Variants in PPIL6 observed in about 807,000 individuals in gnomAD.
PPIL6 encodes probable inactive peptidyl-prolyl cis-trans isomerase-like 6.
In PPIL6, 39 loss-of-function variants were observed where a neutral mutation model predicts 36.8. That is an observed-to-expected ratio of 1.06 (90% CI 0.82 to 1.38). The LOEUF is 1.38. PPIL6 is among the 40% of genes most tolerant of loss of function. The probability of loss-of-function intolerance (pLI) is 0.00; values close to 1 mark genes in which losing one functional copy is unlikely to be tolerated. For missense variants in PPIL6, 368 were observed against 379.1 expected (o/e 0.97, Z 0.24); for synonymous variants, 123 against 134.1 (o/e 0.92, Z 0.57).
chr6:109,434,970 G>A (rs1338297821), intron 2 of PPIL6, among the ~76,000 whole-genome samples: 1 of 152,180 alleles, frequency 6.6e-6, no homozygotes, highest in African/African-American at 2.4e-5. Context: ...TTCTCTGAGG[G>A]TATAGATAGA....
intron 7 of PPIL6, among the ~76,000 whole-genome samples, chr6:109,397,927 C>T (rs879712678): frequency 3.0e-4 from 46 of 151,220 alleles, no homozygotes; most frequent in Non-Finnish European, 5.3e-4. Context: ...GTGTCTCACC[C>T]TGTCGTCAGA....
At chr6:109,415,681 G>C (rs756610992) in intron 6 of PPIL6, among the ~76,000 whole-genome samples, 3 of 152,120 alleles carry the variant, frequency 2.0e-5, no homozygotes, top group Non-Finnish European at 4.4e-5. Context: ...AACGACAATA[G>C]CATCTTGAAT....
chr6:109,400,254 T>G, intron 6 of PPIL6, 84 bp from the exon 7 acceptor site: 2 of 1,043,086 alleles, frequency 1.9e-6, no homozygotes, highest in Non-Finnish European at 2.7e-6. Context: ...AATAGAACCC[T>G]TGGTAACACT....
chr6:109,434,810 C>T (rs1774356158), intron 2 of PPIL6, among the ~76,000 whole-genome samples: 1 of 152,108 alleles, frequency 6.6e-6, no homozygotes, highest in Admixed American at 6.6e-5. Context: ...AGCATCCCAC[C>T]CTCCCCAACA....
chr6:109,441,124 G>A (rs762460465), upstream of PPIL6: 5 of 1,614,174 alleles, frequency 3.1e-6, no homozygotes, highest in South Asian at 5.5e-5. Flanking sequence ...CCCCAACCAT[G>A]AAGCCCAACT....
intron 6 of PPIL6, chr6:109,403,201 T>C: frequency 1.2e-6 from 1 of 835,904 alleles, no homozygotes. Context: ...CTTGAACTCC[T>C]GGGCTCAAGG....
chr6:109,422,525 G>C (rs1021071594), intron 5 of PPIL6, among the ~76,000 whole-genome samples: 27 of 152,108 alleles, frequency 1.8e-4, no homozygotes, highest in African/African-American at 6.5e-4. Context: ...AGGAGGTTGA[G>C]GCTGCAGCGA....
chr6:109,410,646 C>A (rs973161391), intron 6 of PPIL6, among the ~76,000 whole-genome samples: 47 of 152,160 alleles, frequency 3.1e-4, no homozygotes, highest in African/African-American at 1.1e-3. Flanking sequence ...CTCTAGCGCA[C>A]TAATGATTCT....
chr6:109,433,081 G>A (rs1437823672), intron 2 of PPIL6, among the ~76,000 whole-genome samples: 5 of 147,210 alleles, frequency 3.4e-5, no homozygotes, highest in South Asian at 2.1e-4. Flanking sequence ...TTTTGAGACC[G>A]AGTCTTGCTC....
chr6:109,399,987 AT>A, intron 7 of PPIL6, 47 bp downstream of exon 7: 1 of 1,478,556 alleles, frequency 6.8e-7, no homozygotes, highest in South Asian at 1.3e-5. Context: ...TTTAAATGAC[AT>A]TTTTACAGGT....
chr6:109,397,903 T>TAA (rs1449379830), intron 7 of PPIL6, among the ~76,000 whole-genome samples: 10 of 152,078 alleles, frequency 6.6e-5, no homozygotes, highest in Non-Finnish European at 1.0e-4. Context: ...AACTTTTTTT[T>TAA]TTTTTTTTAA....
At chr6:109,438,158 CA>C (rs1774558279) in intron 1 of PPIL6, among the ~76,000 whole-genome samples, 1 of 151,998 alleles carries the variant, frequency 6.6e-6, no homozygotes, top group Non-Finnish European at 1.5e-5. Flanking sequence ...TCCATCATCT[CA>C]AACATTTATT....
intron 3 of PPIL6, among the ~76,000 whole-genome samples, chr6:109,430,681 T>A (rs993860400): frequency 6.6e-6 from 1 of 152,218 alleles, no homozygotes; most frequent in Admixed American, 6.5e-5. Context: ...TGCCTTGGCC[T>A]CCCAAAGTAA....
chr6:109,436,860 T>A (rs1170378764), intron 1 of PPIL6, among the ~76,000 whole-genome samples: 2 of 152,236 alleles, frequency 1.3e-5, no homozygotes, highest in Non-Finnish European at 2.9e-5. Context: ...CCAATAGCTT[T>A]GTGATATGCT....
chr6:109,391,594 G>A lies in PPIL6; in HGVS notation c.*1232C>T, dbSNP rs570270833. The A allele has an allele frequency of 1.4e-4, 21 of 152,314 alleles. No individual in the cohort carries two copies. The highest frequency in any genetic ancestry group is 3.4e-4 in the African/African-American group (14 of 41,530). The allele number at this position is 152,314 out of a possible 1,614,324, so 9.4% of individuals were successfully genotyped here. ...AATGAACACAGAATCTCTGCCCCAC[G>A]CCTGGGAACTCTGCCTCAGTAGGTC... On this transcript the variant is annotated 3_prime_UTR_variant, in exon 8 of 8. Coordinates refer to ENST00000521072, the MANE Select transcript of PPIL6 (RefSeq NM_173672.5).
intron 7 of PPIL6, among the ~76,000 whole-genome samples, chr6:109,396,986 A>G (rs1314517004): frequency 6.6e-6 from 1 of 151,430 alleles, no homozygotes; most frequent in Middle Eastern, 3.2e-3. Flanking sequence ...GAGAGATGAT[A>G]GGGAAGAGGC....
At chr6:109,401,815 C>CCA (rs397726632) in intron 6 of PPIL6, among the ~76,000 whole-genome samples, 1 of 36,930 alleles carries the variant, frequency 2.7e-5, no homozygotes, top group Non-Finnish European at 4.3e-5. Context: ...AGCTGCGCCT[C>CCA]GGGTTCATGC....
intron 6 of PPIL6, among the ~76,000 whole-genome samples, 185 bp downstream of exon 6, chr6:109,419,002 T>C (rs1271640488): frequency 6.6e-6 from 1 of 152,176 alleles, no homozygotes; most frequent in Non-Finnish European, 1.5e-5. Flanking sequence ...GAAAAAAATA[T>C]GTGTGTATGA....
intron 6 of PPIL6, among the ~76,000 whole-genome samples, chr6:109,411,216 G>A (rs964019442): frequency 6.6e-6 from 1 of 152,126 alleles, no homozygotes; most frequent in African/African-American, 2.4e-5. Context: ...AGTAATTCTG[G>A]CAGGAATTGG....
Sources: allele counts gnomAD v4.1 joint callset (sites outside exome capture counted in the v4.1 genomes callset), GRCh38; gene constraint gnomAD v4.1.1; transcripts MANE v1.5; gene names NCBI Gene and HGNC (gene_info 2026-07-23, HGNC 2026-07-21).